The following ENSA variants were observed in gnomAD, a reference collection of about 807,000 sequenced individuals.
ENSA encodes the protein alpha-endosulfine.
Under a neutral mutation model 16.8 loss-of-function variants are expected in ENSA, and 7 were observed. That is an observed-to-expected ratio of 0.42 (90% CI 0.24 to 0.78). ENSA has a LOEUF of 0.78. Among genes scored for constraint, ENSA ranks in the 30% least tolerant of loss-of-function variants. The pLI is 0.29. For missense variants in ENSA, 87 were observed against 142.3 expected (o/e 0.61, Z 1.98); for synonymous variants, 58 against 53.4 (o/e 1.09, Z -0.37).
At chr1:150,629,129 C>T (rs1482766147) in intron 1 of ENSA, 1 of 1,614,144 alleles carries the variant, frequency 6.2e-7, no homozygotes, top group Admixed American at 1.7e-5. Flanking sequence ...ACCGTCTTTC[C>T]AACCACCCGC....
At chr1:150,625,847 TG>T in intron 2 of ENSA, 39 bp from the exon 3 acceptor site, 1 of 1,527,874 alleles carries the variant, frequency 6.5e-7, no homozygotes, top group African/African-American at 1.4e-5. Context: ...GTGAGGACTC[TG>T]GCCTTCCTCA....
chr1:150,623,783 T>C, intron 3 of ENSA: 1 of 985,716 alleles, frequency 1.0e-6, no homozygotes, highest in Non-Finnish European at 1.2e-6. Context: ...ACACAAAAAT[T>C]ATATACAATT....
At chr1:150,627,428 T>C in intron 2 of ENSA, 39 bp downstream of exon 2, 1 of 1,614,254 alleles carries the variant, frequency 6.2e-7, no homozygotes, top group Non-Finnish European at 8.5e-7. Context: ...GAACCTCCTT[T>C]AGCTCCAAAG....
At chr1:150,624,058 T>C in intron 3 of ENSA, 2 of 985,412 alleles carry the variant, frequency 2.0e-6, no homozygotes, top group Non-Finnish European at 2.4e-6. Context: ...CTCTTGAGCA[T>C]TAGTTCTCAC....
At chr1:150,627,865 C>G (rs1649458968) in intron 1 of ENSA, among the ~76,000 whole-genome samples, 1 of 152,144 alleles carries the variant, frequency 6.6e-6, no homozygotes, top group Non-Finnish European at 1.5e-5. Context: ...AAACACAATA[C>G]TTTAATCACA....
chr1:150,624,259 T>C, intron 3 of ENSA: 1 of 985,906 alleles, frequency 1.0e-6, no homozygotes, highest in Non-Finnish European at 1.2e-6. Flanking sequence ...TTTCTCAGTC[T>C]TCCTCCTCTC....
At position 150,622,474 on chromosome 1, in the gene ENSA, C is replaced by T; in HGVS notation, c.*370G>A. The T allele has an allele frequency of 3.8e-6, 1 of 259,960 alleles. No homozygotes were observed. Among genetic ancestry groups the T allele is most frequent in the Non-Finnish European group, 7.2e-6 (1 of 138,708 alleles). The allele number at this position is 259,960 out of a possible 1,614,324, so 16.1% of individuals were successfully genotyped here. On this transcript the variant is annotated 3_prime_UTR_variant, in exon 4 of 4. Transcript: ENST00000369014. ...CCACTTCCTTCCCCTCATACCTACC[C>T]CACATCAGCCACGTGGTTAAGAAGG...
chr1:150,622,382 T>TC lies in ENSA; in HGVS notation c.*461dup. 6.2e-6 allele frequency: 1 copy of TC among 161,838 alleles called. No homozygotes were observed. Among genetic ancestry groups the TC allele is most frequent in the Non-Finnish European group, 1.3e-5 (1 of 74,880 alleles). 10.0% of individuals were successfully genotyped at this position (161,838 alleles called of 1,614,324 possible). ...AGTTTCTTTTATCTGACACCAGGTC[T>TC]CCAACCACACTGAAACAAGGCATTT... On this transcript the variant is annotated 3_prime_UTR_variant, in exon 4 of 4. Transcript: ENST00000369014.
chr1:150,628,155 A>G (rs910743672), intron 1 of ENSA, among the ~76,000 whole-genome samples: 3 of 152,304 alleles, frequency 2.0e-5, no homozygotes, highest in Middle Eastern at 3.4e-3. Context: ...ATAGTTTGCT[A>G]AATGTTTCCT....
At chr1:150,623,045 G>C (rs1319138114) in intron 3 of ENSA, among the ~76,000 whole-genome samples, 186 bp from the exon 4 acceptor site, 2 of 152,118 alleles carry the variant, frequency 1.3e-5, no homozygotes, top group Non-Finnish European at 2.9e-5. Context: ...TAGAATTTCA[G>C]TCTTTTCCTA....
At chr1:150,628,998 A>T (rs1649546534) in intron 1 of ENSA, 1 of 1,557,210 alleles carries the variant, frequency 6.4e-7, no homozygotes, top group Non-Finnish European at 8.9e-7. Flanking sequence ...AAACGTCTTT[A>T]CCTCGACCCC....
At position 150,625,878 on chromosome 1, in the gene ENSA, C is replaced by G. The variant is rs587695752; in HGVS notation, c.184-70G>C. 14 of 1,505,824 alleles carry G rather than the reference C, an allele frequency of 9.3e-6. No homozygotes were observed. In the East Asian group the frequency reaches 3.1e-4, roughly 33 times the overall value. The allele number at this position is 1,505,824 out of a possible 1,614,324, so 93.3% of individuals were successfully genotyped here. A position where few individuals can be genotyped will look rare whatever the true frequency, so the allele number is the denominator to read the frequency against. ...TCCTCAAAAACAAGGAGACTCACAT[C>G]TCACATCCATTATAAACCCTCATGC... On this transcript the variant is annotated intron_variant, in intron 2 of 3. Transcript: ENST00000369014.
chr1:150,622,093 C>T (rs1193848885), downstream of ENSA: 1 of 152,214 alleles, frequency 6.6e-6, no homozygotes, highest in Non-Finnish European at 1.5e-5. Context: ...CCCTCCCAAA[C>T]CCCAATAAAA....
downstream of ENSA, chr1:150,621,676 T>C (rs1465975953): frequency 6.6e-6 from 1 of 152,134 alleles, no homozygotes; most frequent in East Asian, 1.9e-4. Flanking sequence ...GATTGGCACA[T>C]CATGAGGAAA....
intron 3 of ENSA, 151 bp from the exon 4 acceptor site, chr1:150,623,010 G>A (rs1185381218): frequency 1.3e-5 from 14 of 1,105,260 alleles, no homozygotes; most frequent in Non-Finnish European, 1.7e-5. Context: ...CTATCCATAA[G>A]GGAGTTGCAA....
chr1:150,625,413 T>C (rs587706257), intron 3 of ENSA: 77 of 1,226,150 alleles, frequency 6.3e-5, no homozygotes, highest in Non-Finnish European at 2.0e-6. Context: ...TTCCTATTTC[T>C]GGGCCCTACC....
intron 1 of ENSA, among the ~76,000 whole-genome samples, chr1:150,628,602 A>G (rs987428338): frequency 6.6e-6 from 1 of 151,908 alleles, no homozygotes; most frequent in Non-Finnish European, 1.5e-5. Flanking sequence ...TTTCTCTTGG[A>G]AATTACGCAT....
At chr1:150,627,306 A>T (rs1456664147) in intron 2 of ENSA, 161 bp downstream of exon 2, 6 of 1,593,526 alleles carry the variant, frequency 3.8e-6, no homozygotes, top group Non-Finnish European at 5.1e-6. Flanking sequence ...CACATCAGGG[A>T]TTTACATTAA....
intron 2 of ENSA, chr1:150,626,644 C>T (rs1296798958): frequency 4.4e-6 from 3 of 686,202 alleles, no homozygotes; most frequent in Non-Finnish European, 7.3e-6. Flanking sequence ...GCAAGCTCCG[C>T]CTCCCGGGTT....
Sources: allele counts gnomAD v4.1 joint callset (sites outside exome capture counted in the v4.1 genomes callset), GRCh38; gene constraint gnomAD v4.1.1; transcripts MANE v1.5; gene names NCBI Gene and HGNC (gene_info 2026-07-23, HGNC 2026-07-21).